Variants in MAF1 observed in about 807,000 individuals in gnomAD.
MAF1 encodes MAF1 negative regulator of RNA polymerase III, also known as repressor of RNA polymerase III transcription MAF1 homolog.
A neutral mutation model predicts 31.9 loss-of-function variants in MAF1; 7 were observed. That is an observed-to-expected ratio of 0.22 (90% confidence interval 0.12 to 0.41). The LOEUF (loss-of-function observed/expected upper bound fraction) is 0.41. MAF1 is among the 10% of genes least tolerant of loss of function. MAF1 has a pLI of 1.00. For synonymous variants in MAF1, 157 were observed against 120.0 expected (o/e 1.31, Z -2.02); for missense variants, 221 against 323.1 (o/e 0.68, Z 2.42).
At position 144,107,572 on chromosome 8, in the gene MAF1, C is replaced by T. The variant is rs1447228683; in HGVS notation, c.*463C>T. On this transcript the variant is annotated 3_prime_UTR_variant, in exon 8 of 8. Coordinates refer to ENST00000322428, the MANE Select transcript of MAF1 (RefSeq NM_032272.5). ...GCCGCGTGCACTGAGTGTCACTTTG[C>T]TGCAGCTCGTTTCTTTCCAATAAAA... The T allele has an allele frequency of 6.1e-5, 37 of 609,452 alleles. No homozygotes were observed. Among genetic ancestry groups the T allele is most frequent in the Middle Eastern group, 4.1e-4 (1 of 2,452 alleles). 37.8% of individuals were successfully genotyped at this position (609,452 alleles called of 1,614,324 possible). A position where few individuals can be genotyped will look rare whatever the true frequency, so the allele number is the denominator to read the frequency against.
rs1414764931 is a variant in MAF1 at position 144,107,172 on chromosome 8, A to T, written c.*63A>T. On this transcript the variant is annotated 3_prime_UTR_variant, in exon 8 of 8. Coordinates refer to ENST00000322428, the MANE Select transcript of MAF1 (RefSeq NM_032272.5). The stretch of plus-strand genomic sequence containing the variant: ...ACCAATGCCTGGACCTGTCCACCTG[A>T]GAGGCCCCTGGGGCCTCCCCAGCTG... 30 of 1,544,762 alleles carry T rather than the reference A, an allele frequency of 1.9e-5. No individual in the cohort carries two copies. The highest frequency in any genetic ancestry group is 2.6e-5 in the Non-Finnish European group (30 of 1,141,824).
chr8:144,105,869 G>A lies in MAF1; in HGVS notation c.84G>A (p.Arg28=), dbSNP rs750288637. ...TCATGGTTCTCTCTGCATCCTATAG[G>A]ATTGAGAGCTACTCATGTAAGATGG... The part of the protein sequence containing the change: ...VETGDAHIIG[R]IESYSCKMAG... Residue 28 remains arginine (R), a splice_region_variant and synonymous_variant, in exon 3 of 8, where the codon AGG becomes AGA. Coordinates refer to ENST00000322428, the MANE Select transcript of MAF1 (RefSeq NM_032272.5). 175 of 1,612,890 alleles carry A rather than the reference G, an allele frequency of 1.1e-4. No individual in the cohort carries two copies. Among genetic ancestry groups the A allele is most frequent in the Non-Finnish European group, 1.4e-4 (171 of 1,180,030 alleles).
chr8:144,104,779 C>T lies in MAF1; in HGVS notation c.-124C>T, dbSNP rs911708407. ...CGCGCTGCGCGGAGCCCGCCCCCGC[C>T]TGCGCACCGGCACCGACGCGGAGCG... On this transcript the variant is annotated 5_prime_UTR_variant, in exon 1 of 8. Transcript: ENST00000322428. 2.0e-5 allele frequency: 3 copies of T among 148,018 alleles called. No homozygotes were observed. Among genetic ancestry groups the T allele is most frequent in the African/African-American group, 7.4e-5 (3 of 40,302 alleles). 9.2% of individuals were successfully genotyped at this position (148,018 alleles called of 1,614,324 possible).
chr8:144,106,545 T>C lies in MAF1; in HGVS notation c.501-10T>C, dbSNP rs550947102. 1.9e-6 allele frequency: 3 copies of C among 1,613,912 alleles called. No homozygotes were observed. The Admixed American group carries it at 5.0e-5, about 27-fold the overall frequency. ...GCGCCTCACACCACCTGTCACCCTA[T>C]ACTCCCCAGCTATAACCCAGACTTG... On this transcript the variant is annotated splice_polypyrimidine_tract_variant and intron_variant, in intron 5 of 7. Coordinates refer to ENST00000322428, the MANE Select transcript of MAF1 (RefSeq NM_032272.5).
In MAF1 at chr8:144,104,520, G is replaced by C. The variant is rs1192261228; in HGVS notation, c.-383G>C. ...TGTTGTTGTCCGGCCGGGGGAGGCG[G>C]AGGTCGCTCGCTCGCTCGCTCGGCT... is the stretch of plus-strand genomic sequence containing the variant. On this transcript the variant is annotated 5_prime_UTR_variant, in exon 1 of 8. Coordinates refer to ENST00000322428, the MANE Select transcript of MAF1 (RefSeq NM_032272.5). 6.6e-6 allele frequency: 1 copy of C among 152,108 alleles called. No individual in the cohort carries two copies. Among genetic ancestry groups the C allele is most frequent in the South Asian group, 2.1e-4 (1 of 4,832 alleles). 9.4% of individuals were successfully genotyped at this position (152,108 alleles called of 1,614,324 possible). A position where few individuals can be genotyped will look rare whatever the true frequency, so the allele number is the denominator to read the frequency against.
At chr8:144,105,808 G>C in intron 2 of MAF1, 42 bp downstream of exon 2, 1 of 1,612,760 alleles carries the variant, frequency 6.2e-7, no homozygotes, top group Non-Finnish European at 8.5e-7. Flanking sequence ...AGGTCACACT[G>C]CCGCGCCCTT....
chr8:144,106,051 C>T (rs747550327), intron 3 of MAF1, 25 bp from the exon 4 acceptor site: 1 of 1,613,400 alleles, frequency 6.2e-7, no homozygotes. Context: ...GGTGATGGGC[C>T]CAGCTGATGG....
chr8:144,107,270 C>CCTG lies in MAF1; in HGVS notation c.*162_*164dup. 1.1e-6 allele frequency: 1 copy of CCTG among 876,014 alleles called. No individual in the cohort carries two copies. The highest frequency in any genetic ancestry group is 1.8e-6 in the Non-Finnish European group (1 of 553,010). The allele number at this position is 876,014 out of a possible 1,614,324, so 54.3% of individuals were successfully genotyped here. On this transcript the variant is annotated 3_prime_UTR_variant, in exon 8 of 8. Coordinates refer to ENST00000322428, the MANE Select transcript of MAF1 (RefSeq NM_032272.5). ...TACCTGCCTAGCCCTTTGGCTCCATCCTGTGGATGCCCACTCACCCCTCAG... is the reference window on the plus strand; with the variant it reads ...TACCTGCCTAGCCCTTTGGCTCCATCCTGCTGTGGATGCCCACTCACCCCTCAG...
intron 7 of MAF1, 38 bp from the exon 8 acceptor site, chr8:144,107,050 G>C (rs1836429252): frequency 6.4e-7 from 1 of 1,569,188 alleles, no homozygotes; most frequent in Admixed American, 1.9e-5. Flanking sequence ...TCTAAGTGGT[G>C]GCTCCTGAAG....
chr8:144,105,409 C>T, intron 1 of MAF1: 1 of 496,744 alleles, frequency 2.0e-6, no homozygotes, highest in Non-Finnish European at 3.7e-6. Flanking sequence ...CCAGAACTCG[C>T]GTGTTCTGCA....
In MAF1 at chr8:144,107,081, C is replaced by T. The variant is rs781370169; in HGVS notation, c.750-7C>T. On this transcript the variant is annotated splice_region_variant and splice_polypyrimidine_tract_variant and intron_variant, in intron 7 of 7. Coordinates refer to ENST00000322428, the MANE Select transcript of MAF1 (RefSeq NM_032272.5). ...TGAAGGCCCACTGTGTGCCAACCTC[C>T]GCCCAGGGTCCCAGTGATCTGTATT... 3.8e-5 allele frequency: 60 copies of T among 1,573,748 alleles called. No homozygotes were observed. In the Middle Eastern group the frequency reaches 5.0e-4, roughly 13 times the overall value.
At position 144,106,471 on chromosome 8, in the gene MAF1, C is replaced by T. The variant is rs79249789; in HGVS notation, c.500+7C>T. On this transcript the variant is annotated splice_region_variant and intron_variant, in intron 5 of 7. Transcript: ENST00000322428. ...CTGAATGTGACATCTACAGGTGGGC[C>T]GGCATCCCTGCAGATGGCCTCCAGG... 30 of 1,613,856 alleles carry T rather than the reference C, an allele frequency of 1.9e-5. No homozygotes were observed. In the East Asian group the frequency reaches 2.7e-4, roughly 14 times the overall value.
Position 144,106,327 on chromosome 8 carries a change from CTG to C in MAF1, c.379-13_379-12del, listed in dbSNP as rs1198916033. ...TAGCCCTGGGCTCCTGTCACCCTGA[CTG>C]TGACCTGCCCTAGGTGGTGAATGCA... On this transcript the variant is annotated splice_polypyrimidine_tract_variant and intron_variant, in intron 4 of 7. Coordinates refer to ENST00000322428, the MANE Select transcript of MAF1 (RefSeq NM_032272.5). 4 of 1,612,976 alleles carry C rather than the reference CTG, an allele frequency of 2.5e-6. No individual in the cohort carries two copies. The highest frequency in any genetic ancestry group is 1.7e-5 in the Admixed American group (1 of 59,996).
In MAF1 at chr8:144,104,496, G is replaced by C. The variant is rs1181510767; in HGVS notation, c.-407G>C. On this transcript the variant is annotated 5_prime_UTR_variant, in exon 1 of 8. Transcript: ENST00000322428. ...GCGGGGCCGGGCCCGGCGGACGCTT[G>C]TTGTTGTCCGGCCGGGGGAGGCGGA... 1.3e-5 allele frequency: 2 copies of C among 152,326 alleles called. No homozygotes were observed. Among genetic ancestry groups the C allele is most frequent in the East Asian group, 1.9e-4 (1 of 5,180 alleles). 9.4% of individuals were successfully genotyped at this position (152,326 alleles called of 1,614,324 possible). A position where few individuals can be genotyped will look rare whatever the true frequency, so the allele number is the denominator to read the frequency against.
In MAF1 at chr8:144,107,088, G is replaced by C; in HGVS notation, c.750G>C (p.Arg250Ser). 1 of 1,573,954 alleles carries C rather than the reference G, an allele frequency of 6.4e-7. No individual in the cohort carries two copies. Among genetic ancestry groups the C allele is most frequent in the Non-Finnish European group, 8.6e-7 (1 of 1,159,792 alleles). Residue 250 changes from arginine (R) to serine (S), a missense_variant and splice_region_variant, in exon 8 of 8, where the codon AGG becomes AGC. By Grantham distance (110) the Arg-to-Ser change is moderately radical. Coordinates refer to ENST00000322428, the MANE Select transcript of MAF1 (RefSeq NM_032272.5). ...CCACTGTGTGCCAACCTCCGCCCAG[G>C]GTCCCAGTGATCTGTATTTGATGAG... The part of the protein sequence containing the change: ...AEETSTMEED[R>S]VPVICI
intron 1 of MAF1, 22 bp from the exon 2 acceptor site, chr8:144,105,618 G>A: frequency 7.0e-7 from 1 of 1,432,436 alleles, no homozygotes; most frequent in South Asian, 1.1e-5. Context: ...AGATACCCAT[G>A]GTCTGGTCTC....
chr8:144,105,274 G>A (rs1836389713), intron 1 of MAF1: 1 of 189,278 alleles, frequency 5.3e-6, no homozygotes. Flanking sequence ...GCGGACTCAA[G>A]AGTTACCCCC....
intron 3 of MAF1, 39 bp downstream of exon 3, chr8:144,106,036 G>A (rs757950460): frequency 6.2e-7 from 1 of 1,613,548 alleles, no homozygotes; most frequent in Non-Finnish European, 8.5e-7. Flanking sequence ...TGGGGGTTGA[G>A]GGGAGGTGAT....
At position 144,106,461 on chromosome 8, in the gene MAF1, A is replaced by G. The variant is rs1209358891; in HGVS notation, c.497A>G (p.Tyr166Cys). Reference protein sequence around the residue: ...EEICLAECDIYSYNPDLDSDP... With the variant: ...EEICLAECDICSYNPDLDSDP... Reference sequence around the variant, plus strand: ...ATCTGCCTGGCTGAATGTGACATCTACAGGTGGGCCGGCATCCCTGCAGAT... The same window carrying G: ...ATCTGCCTGGCTGAATGTGACATCTGCAGGTGGGCCGGCATCCCTGCAGAT... Residue 166 changes from tyrosine (Y) to cysteine (C), a missense_variant, in exon 5 of 8, where the codon TAC becomes TGC. Around this residue, in one of 2 missense-constraint regions of MAF1, gnomAD observed 146 missense variants for 263.1 expected, o/e 0.56. Coordinates refer to ENST00000322428, the MANE Select transcript of MAF1 (RefSeq NM_032272.5). The G allele has an allele frequency of 6.2e-7, 1 of 1,613,886 alleles. No individual in the cohort carries two copies. The highest frequency in any genetic ancestry group is 2.2e-5 in the East Asian group (1 of 44,884).
Sources: gnomAD v4.1 joint callset for allele counts on GRCh38, gnomAD v4.1.1 for gene constraint, gnomAD v4.1.1 regional missense constraint, MANE v1.5 for transcripts, NCBI Gene and HGNC (gene_info 2026-07-23, HGNC 2026-07-21) for gene names.